Variants in MCCC1 observed in about 807,000 individuals in gnomAD.
MCCC1 encodes methylcrotonyl-CoA carboxylase subunit 1, also known as methylcrotonoyl-CoA carboxylase subunit alpha, mitochondrial.
MCCC1 carries 64 observed loss-of-function variants against 83.8 expected under a neutral mutation model. The ratio of observed to expected loss-of-function variants is 0.76; its 90% CI spans 0.62 to 0.94. MCCC1 has a LOEUF of 0.94. Ranked by LOEUF, MCCC1 falls within the 40% of genes least tolerant of loss-of-function variation. The pLI is 0.00. For synonymous variants in MCCC1, 322 were observed against 315.4 expected (o/e 1.02, Z -0.22); for missense variants, 807 against 904.7 (o/e 0.89, Z 1.39).
At chr3:183,113,938 G>A (rs560734145) in intron 1 of MCCC1, among the ~76,000 whole-genome samples, 15 of 152,212 alleles carry the variant, frequency 9.9e-5, no homozygotes, top group South Asian at 6.2e-4. Context: ...CCCTCAACCC[G>A]TGGGTGTAAT....
At chr3:183,068,368 G>A (rs986098617) in intron 7 of MCCC1, among the ~76,000 whole-genome samples, 5 of 152,126 alleles carry the variant, frequency 3.3e-5, no homozygotes, top group South Asian at 2.1e-4. Context: ...ACCTCTGGTC[G>A]TCTTCACTGC....
upstream of MCCC1, among the ~76,000 whole-genome samples, chr3:183,102,011 A>G (rs1417911976): frequency 6.6e-6 from 1 of 152,062 alleles, no homozygotes; most frequent in Admixed American, 6.6e-5. Flanking sequence ...GACAGACTCC[A>G]GACGCGCCGC....
chr3:183,065,258 T>C (rs1716167337), intron 7 of MCCC1, among the ~76,000 whole-genome samples: 1 of 152,120 alleles, frequency 6.6e-6, no homozygotes, highest in African/African-American at 2.4e-5. Context: ...TTGTATGTCC[T>C]TGGGAGCTTG....
chr3:183,054,129 G>A (rs540812261), intron 8 of MCCC1, among the ~76,000 whole-genome samples: 127 of 150,576 alleles, frequency 8.4e-4, no homozygotes, highest in Middle Eastern at 6.9e-3. Flanking sequence ...TGATCCGCCC[G>A]TCTCAGCCTC....
intron 4 of MCCC1, among the ~76,000 whole-genome samples, chr3:183,073,549 C>T (rs1395383801): frequency 6.6e-6 from 1 of 152,216 alleles, no homozygotes; most frequent in African/African-American, 2.4e-5. Context: ...TGGACTGATA[C>T]CAATTTGACC....
intron 4 of MCCC1, among the ~76,000 whole-genome samples, chr3:183,078,314 C>T (rs1280863016): frequency 2.6e-5 from 4 of 152,190 alleles, no homozygotes; most frequent in Admixed American, 6.5e-5. Context: ...AGCCACTGCA[C>T]CTGGCATAAT....
Position 183,045,522 on chromosome 3 carries a change from A to G in MCCC1, c.974T>C (p.Met325Thr). 6.2e-7 allele frequency: 1 copy of G among 1,614,116 alleles called. No homozygotes were observed. Among genetic ancestry groups the G allele is most frequent in the African/African-American group, 1.3e-5 (1 of 75,056 alleles). Residue 325 changes from methionine (M) to threonine (T), a missense_variant, in exon 10 of 19, where the codon ATG becomes ACG. Physicochemically the swap from Met to Thr is moderately conservative, Grantham distance 81. Coordinates refer to ENST00000265594, the MANE Select transcript of MCCC1 (RefSeq NM_020166.5). ...GAAACAGAAATTATGTTTTGAGTCCATAATAAACTCCACAGTCCCTAAAAG... is the reference window on the plus strand; with the variant it reads ...GAAACAGAAATTATGTTTTGAGTCCGTAATAAACTCCACAGTCCCTAAAAG... ...YVGAGTVEFIMDSKHNFCFME... is the reference protein window; with the variant it reads ...YVGAGTVEFITDSKHNFCFME...
At chr3:183,023,150 A>C (rs1452308502) in intron 15 of MCCC1, among the ~76,000 whole-genome samples, 1 of 152,224 alleles carries the variant, frequency 6.6e-6, no homozygotes, top group Non-Finnish European at 1.5e-5. Flanking sequence ...ACAATGTTTC[A>C]AGGAAGCTGA....
chr3:183,023,255 A>G (rs963685627), intron 15 of MCCC1, among the ~76,000 whole-genome samples: 2 of 152,214 alleles, frequency 1.3e-5, no homozygotes, highest in South Asian at 4.1e-4. Flanking sequence ...CCACAATGCT[A>G]GTGTAGAAGT....
chr3:183,069,564 A>G (rs1271610485), intron 7 of MCCC1, among the ~76,000 whole-genome samples: 1 of 152,170 alleles, frequency 6.6e-6, no homozygotes, highest in African/African-American at 2.4e-5. Context: ...ACAAAAAACA[A>G]TTTGGGGGTC....
intron 2 of MCCC1, 110 bp downstream of exon 2, chr3:183,094,449 T>C: frequency 1.8e-6 from 2 of 1,093,580 alleles, no homozygotes; most frequent in Non-Finnish European, 2.7e-6. Flanking sequence ...AAATCCAAAA[T>C]TTATGATAAC....
chr3:183,063,525 A>T (rs1716008968), intron 7 of MCCC1, among the ~76,000 whole-genome samples: 1 of 152,228 alleles, frequency 6.6e-6, no homozygotes, highest in African/African-American at 2.4e-5. Flanking sequence ...TTAGCAGGAC[A>T]TAAAGAATAC....
rs2108461735 is a variant in MCCC1 at position 183,034,021 on chromosome 3, T to A, written c.1651A>T (p.Arg551Ter). 6.2e-7 allele frequency: 1 copy of A among 1,611,416 alleles called. No individual in the cohort carries two copies. The highest frequency in any genetic ancestry group is 8.5e-7 in the Non-Finnish European group (1 of 1,178,256). Reference protein sequence around the residue: ...SGRRLNISYTRNMTLKDGKNN... With the variant: ...SGRRLNISYT ...TTACCATCTTTAAGAGTCATGTTTC[T>A]GGTATACGAGATATTCAGTCTTCTT... The change falls in exon 14 of 19, where the codon AGA becomes TGA. Residue 551 changes from arginine to a stop codon, truncating the protein, a stop_gained. Coordinates refer to ENST00000265594, the MANE Select transcript of MCCC1 (RefSeq NM_020166.5). LOFTEE classifies it high-confidence loss of function.
At chr3:183,097,497 G>A (rs752787053) in intron 1 of MCCC1, among the ~76,000 whole-genome samples, 22 of 152,166 alleles carry the variant, frequency 1.4e-4, no homozygotes, top group Non-Finnish European at 2.8e-4. Flanking sequence ...GACTCAGGCC[G>A]TCCTCGCCCT....
intron 4 of MCCC1, among the ~76,000 whole-genome samples, chr3:183,073,259 A>G (rs549998743): frequency 6.6e-6 from 1 of 152,292 alleles, no homozygotes; most frequent in South Asian, 2.1e-4. Flanking sequence ...ATAATATTGC[A>G]ATTAGGGTAG....
intron 4 of MCCC1, among the ~76,000 whole-genome samples, chr3:183,081,784 C>T (rs910424555): frequency 1.3e-5 from 2 of 152,202 alleles, no homozygotes; most frequent in African/African-American, 4.8e-5. Flanking sequence ...TGGGGCTCAA[C>T]TCGGCTCAAC....
chr3:183,115,998 GC>G (rs1177480158), exon 1 of MCCC1: 1 of 152,272 alleles, frequency 6.6e-6, no homozygotes, highest in Non-Finnish European at 1.5e-5. Flanking sequence ...TTGCTGAAGA[GC>G]CCCCTCAAGT....
chr3:183,101,257 G>C (rs974692336), upstream of MCCC1, among the ~76,000 whole-genome samples: 1 of 152,242 alleles, frequency 6.6e-6, no homozygotes, highest in African/African-American at 2.4e-5. Context: ...CAGTCCCATC[G>C]ACCACCCAAG....
intron 18 of MCCC1, 155 bp downstream of exon 18, chr3:183,017,111 G>A: frequency 1.4e-6 from 1 of 698,150 alleles, no homozygotes; most frequent in East Asian, 2.6e-5. Context: ...TTTTCTACAA[G>A]AAGGATAGTT....
Sources: allele counts gnomAD v4.1 joint callset (sites outside exome capture counted in the v4.1 genomes callset), GRCh38; gene constraint gnomAD v4.1.1; transcripts MANE v1.5; gene names NCBI Gene and HGNC (gene_info 2026-07-23, HGNC 2026-07-21).